The following CRYBG1 variants were observed in gnomAD, a reference collection of about 807,000 sequenced individuals.
The protein encoded by CRYBG1 is crystallin beta-gamma domain containing 1.
In CRYBG1, 139 loss-of-function variants were observed where a neutral mutation model predicts 189.2. The ratio of observed to expected loss-of-function variants is 0.73; its 90% CI spans 0.64 to 0.85. The LOEUF is 0.85. CRYBG1 is among the 40% of genes least tolerant of loss of function. CRYBG1 has a pLI of 0.00. For synonymous variants in CRYBG1, 1,023 were observed against 1,017.1 expected, an observed-to-expected ratio of 1.01 and a Z score of -0.11; for missense variants, 2,611 against 2,675.8, an observed-to-expected ratio of 0.98 and a Z score of 0.53.
At chr6:106,455,977 C>T (rs1009518654) in intron 2 of CRYBG1, among the ~76,000 whole-genome samples, 1 of 152,000 alleles carries the variant, frequency 6.6e-6, no homozygotes, top group African/African-American at 2.4e-5. Flanking sequence ...TTATAAGTCA[C>T]TTGTCTGAAT....
intron 8 of CRYBG1, among the ~76,000 whole-genome samples, chr6:106,538,876 C>T (rs993510639): frequency 7.8e-6 from 1 of 128,646 alleles, no homozygotes; most frequent in Non-Finnish European, 1.6e-5. Context: ...GCCTGGGTGA[C>T]AGAACAAGAC....
At chr6:106,564,023 T>G (rs531036029) in intron 21 of CRYBG1, 97 bp downstream of exon 21, 4 of 1,295,272 alleles carry the variant, frequency 3.1e-6, no homozygotes, top group Admixed American at 3.7e-5. Flanking sequence ...GAATGTATTA[T>G]TAGTAGTAAC....
chr6:106,529,386 A>G (rs1773826238), intron 7 of CRYBG1, among the ~76,000 whole-genome samples: 1 of 152,188 alleles, frequency 6.6e-6, no homozygotes, highest in Non-Finnish European at 1.5e-5. Flanking sequence ...GTTTCTTGAA[A>G]CATAAAACAT....
chr6:106,458,588 A>G (rs772982486), intron 2 of CRYBG1, among the ~76,000 whole-genome samples: 4 of 152,214 alleles, frequency 2.6e-5, no homozygotes, highest in African/African-American at 9.7e-5. Context: ...AATGAAATGC[A>G]TATATTCACA....
chr6:106,440,424 C>G (rs9486343), intron 1 of CRYBG1, among the ~76,000 whole-genome samples: 4,620 of 150,528 alleles, frequency 0.031, 194 homozygotes, highest in African/African-American at 0.096. Context: ...ACCACCATGC[C>G]CAGCTAATTT....
intron 1 of CRYBG1, among the ~76,000 whole-genome samples, chr6:106,416,999 C>T (rs1439431293): frequency 6.2e-4 from 43 of 69,472 alleles, no homozygotes; most frequent in Admixed American, 1.3e-3. Flanking sequence ...ATGGGATTTA[C>T]TTTTTTTTTT....
intron 1 of CRYBG1, among the ~76,000 whole-genome samples, chr6:106,428,095 T>C (rs1350617091): frequency 6.6e-6 from 1 of 152,224 alleles, no homozygotes; most frequent in African/African-American, 2.4e-5. Context: ...TCATTTTTCT[T>C]TGTAGAACTT....
Position 106,512,540 on chromosome 6 carries a change from G to T in CRYBG1, c.1423G>T (p.Asp475Tyr), listed in dbSNP as rs761090045. 1.2e-6 allele frequency: 2 copies of T among 1,608,328 alleles called. No homozygotes were observed. The highest frequency in any genetic ancestry group is 1.7e-6 in the Non-Finnish European group (2 of 1,177,898). ...KKVKSPRAAL[D>Y]GGVASAASPE... ...AGTGAAATCTCCGCGGGCAGCCCTC[G>T]ACGGGGGCGTTGCCTCCGCTGCGAG... The change falls in exon 3 of 22, where the codon GAC becomes TAC. Residue 475 changes from aspartate (D) to tyrosine (Y), a missense_variant. By Grantham distance (160) the Asp-to-Tyr change is radical (BLOSUM62 -3). Transcript: ENST00000633556.
intron 1 of CRYBG1, among the ~76,000 whole-genome samples, chr6:106,375,212 G>C (rs1172661381): frequency 2.0e-5 from 3 of 151,872 alleles, no homozygotes; most frequent in African/African-American, 7.3e-5. Flanking sequence ...GTGAGACCCT[G>C]TCTCCATAAA....
At chr6:106,503,540 C>G (rs1329077118) in intron 2 of CRYBG1, among the ~76,000 whole-genome samples, 1 of 152,184 alleles carries the variant, frequency 6.6e-6, no homozygotes, top group Non-Finnish European at 1.5e-5. Context: ...TTTAGAAAGC[C>G]TGACTTATGT....
intron 2 of CRYBG1, among the ~76,000 whole-genome samples, chr6:106,475,018 T>A (rs931682921): frequency 4.6e-5 from 7 of 152,232 alleles, no homozygotes; most frequent in Non-Finnish European, 1.5e-5. Flanking sequence ...CCTAGTTTCT[T>A]AATTCTTTTA....
intron 2 of CRYBG1, among the ~76,000 whole-genome samples, chr6:106,483,678 T>C (rs891756524): frequency 6.7e-6 from 1 of 148,484 alleles, no homozygotes; most frequent in Non-Finnish European, 1.5e-5. Context: ...TGACAACACT[T>C]GTTTTCTTTT....
intron 2 of CRYBG1, among the ~76,000 whole-genome samples, chr6:106,492,243 T>TAC (rs1772740537): frequency 6.6e-6 from 1 of 152,230 alleles, no homozygotes; most frequent in African/African-American, 2.4e-5. Context: ...AAGTCGTATG[T>TAC]TGTCTATCCA....
At chr6:106,371,461 G>T (rs1429192929) in intron 1 of CRYBG1, among the ~76,000 whole-genome samples, 1 of 152,162 alleles carries the variant, frequency 6.6e-6, no homozygotes, top group African/African-American at 2.4e-5. Flanking sequence ...CCCACTGTTG[G>T]CTTCCTTCCC....
intron 3 of CRYBG1, among the ~76,000 whole-genome samples, chr6:106,516,304 G>C (rs943478800): frequency 6.6e-6 from 1 of 151,608 alleles, no homozygotes; most frequent in African/African-American, 2.4e-5. Flanking sequence ...CACAATCTTG[G>C]CTCACTGCAA....
intron 2 of CRYBG1, among the ~76,000 whole-genome samples, chr6:106,503,220 A>G (rs1456332324): frequency 1.3e-5 from 2 of 152,212 alleles, no homozygotes; most frequent in Admixed American, 6.5e-5. Context: ...AATCCTAAGG[A>G]CAAGAAAGTC....
intron 1 of CRYBG1, among the ~76,000 whole-genome samples, chr6:106,377,648 T>TATATATATATATATATATATATATATATA (rs56394821): frequency 6.8e-5 from 10 of 146,772 alleles, no homozygotes; most frequent in African/African-American, 2.0e-4. Flanking sequence ...TATATATATA[T>TATATATATATATATATATATATATATATA]TTTCATTTGC....
intron 13 of CRYBG1, among the ~76,000 whole-genome samples, chr6:106,551,396 T>G (rs1774401047): frequency 6.6e-6 from 1 of 152,240 alleles, no homozygotes; most frequent in Middle Eastern, 3.2e-3. Flanking sequence ...TACCACATTT[T>G]CTCTATCCAA....
chr6:106,516,550 A>G (rs1401813121), intron 3 of CRYBG1, among the ~76,000 whole-genome samples: 1 of 152,218 alleles, frequency 6.6e-6, no homozygotes, highest in Non-Finnish European at 1.5e-5. Flanking sequence ...AAGCTTCATG[A>G]AGGCCAAGTC....
Sources: gnomAD v4.1 joint callset for allele counts (sites outside exome capture counted in the v4.1 genomes callset) on GRCh38, gnomAD v4.1.1 for gene constraint, MANE v1.5 for transcripts, NCBI Gene and HGNC (gene_info 2026-07-23, HGNC 2026-07-21) for gene names.